Variants in WWOX observed in about 807,000 individuals in gnomAD.
WWOX encodes the protein WW domain-containing oxidoreductase.
Under a neutral mutation model 46.2 loss-of-function variants are expected in WWOX, and 69 were observed. The ratio of observed to expected loss-of-function variants is 1.49; its 90% CI spans 1.23 to 1.82. The LOEUF (loss-of-function observed/expected upper bound fraction) is 1.82. WWOX is among the 40% of genes most tolerant of loss of function. WWOX has a pLI of 0.00. For synonymous variants in WWOX, 359 were observed against 202.6 expected, an observed-to-expected ratio of 1.77 and a Z score of -6.56; for missense variants, 919 against 542.6, an observed-to-expected ratio of 1.69 and a Z score of -6.89.
intron 7 of WWOX, among the ~76,000 whole-genome samples, chr16:78,432,089 T>C (rs2151385309): frequency 6.6e-6 from 1 of 152,064 alleles, no homozygotes; most frequent in Non-Finnish European, 1.5e-5. Flanking sequence ...AGATTGAGTT[T>C]TTACTCATCT....
chr16:78,979,084 CTTTT>C (rs200040353), intron 8 of WWOX, among the ~76,000 whole-genome samples: 1 of 142,160 alleles, frequency 7.0e-6, no homozygotes, highest in East Asian at 2.1e-4. Context: ...GAATTTCAGT[CTTTT>C]TTTTTTTTTT....
chr16:79,031,893 C>CATAT (rs1433443725), intron 8 of WWOX, among the ~76,000 whole-genome samples: 1,267 of 66,036 alleles, frequency 0.019, 22 homozygotes, highest in African/African-American at 0.045. Flanking sequence ...TATCTGTATA[C>CATAT]AGATATCTAT....
intron 8 of WWOX, among the ~76,000 whole-genome samples, chr16:78,576,904 C>T (rs773727371): frequency 6.6e-6 from 1 of 152,194 alleles, no homozygotes; most frequent in Non-Finnish European, 1.5e-5. Flanking sequence ...TCTTTGCCAT[C>T]CCCACACTAC....
chr16:78,470,322 G>A (rs1054195543), intron 8 of WWOX, among the ~76,000 whole-genome samples: 1 of 152,178 alleles, frequency 6.6e-6, no homozygotes, highest in African/African-American at 2.4e-5. Flanking sequence ...AAGATGCGGG[G>A]CATAGTACAT....
At chr16:79,189,830 T>A (rs915353963) in intron 8 of WWOX, among the ~76,000 whole-genome samples, 2 of 150,836 alleles carry the variant, frequency 1.3e-5, no homozygotes, top group Admixed American at 1.3e-4. Context: ...CATCTTGCAA[T>A]TGATAGGAGC....
intron 8 of WWOX, among the ~76,000 whole-genome samples, chr16:78,828,910 C>G (rs189962246): frequency 2.6e-5 from 4 of 152,270 alleles, no homozygotes; most frequent in African/African-American, 9.6e-5. Flanking sequence ...AGTTTTCCCC[C>G]TTTTAGAGAT....
intron 8 of WWOX, among the ~76,000 whole-genome samples, chr16:78,685,538 C>A (rs2047834904): frequency 6.6e-6 from 1 of 152,088 alleles, no homozygotes; most frequent in Non-Finnish European, 1.5e-5. Flanking sequence ...CAAAAATAGC[C>A]CCCAAAATGA....
intron 8 of WWOX, among the ~76,000 whole-genome samples, chr16:79,163,704 A>C (rs1215635779): frequency 6.6e-6 from 1 of 151,202 alleles, no homozygotes; most frequent in East Asian, 1.9e-4. Flanking sequence ...AGGCTGAGGC[A>C]GGAGAATCAC....
chr16:78,644,541 A>C (rs1015775499), intron 8 of WWOX, among the ~76,000 whole-genome samples: 4 of 152,046 alleles, frequency 2.6e-5, no homozygotes, highest in African/African-American at 9.6e-5. Context: ...AGCTCACTGC[A>C]ACCTCCGCCT....
intron 8 of WWOX, among the ~76,000 whole-genome samples, chr16:79,042,666 G>A (rs1458453552): frequency 2.6e-5 from 4 of 151,850 alleles, no homozygotes; most frequent in African/African-American, 9.7e-5. Context: ...GTGCCAGTGG[G>A]CAGAAGGTTT....
At chr16:78,945,180 A>T (rs543276187) in intron 8 of WWOX, among the ~76,000 whole-genome samples, 1 of 152,218 alleles carries the variant, frequency 6.6e-6, no homozygotes, top group East Asian at 1.9e-4. Flanking sequence ...ACCCTGTGTC[A>T]AAAAAAGAAA....
intron 8 of WWOX, among the ~76,000 whole-genome samples, chr16:78,533,131 C>G (rs1199084546): frequency 6.6e-6 from 1 of 152,070 alleles, no homozygotes; most frequent in Non-Finnish European, 1.5e-5. Flanking sequence ...CTCTCAATGG[C>G]TAAACCAACC....
At chr16:78,773,720 A>C (rs56996407) in intron 8 of WWOX, among the ~76,000 whole-genome samples, 4,472 of 152,294 alleles carry the variant, frequency 0.029, 252 homozygotes, top group African/African-American at 0.1. Context: ...CAAATAACCC[A>C]AAATGAGGAG....
intron 8 of WWOX, among the ~76,000 whole-genome samples, chr16:78,682,480 G>C (rs539865807): frequency 4.0e-4 from 61 of 152,212 alleles, no homozygotes; most frequent in Non-Finnish European, 7.9e-4. Flanking sequence ...CTACACAGAA[G>C]GCTGAGGCAG....
chr16:78,268,271 T>G (rs2079408688), intron 5 of WWOX, among the ~76,000 whole-genome samples: 1 of 152,224 alleles, frequency 6.6e-6, no homozygotes, highest in Non-Finnish European at 1.5e-5. Context: ...TTTTCCCCAT[T>G]GGTAAGTAGT....
At chr16:78,699,266 G>C (rs759654299) in intron 8 of WWOX, among the ~76,000 whole-genome samples, 10 of 152,208 alleles carry the variant, frequency 6.6e-5, no homozygotes, top group Non-Finnish European at 1.2e-4. Context: ...CGGTGTGATG[G>C]CTCACGCCTG....
intron 8 of WWOX, among the ~76,000 whole-genome samples, chr16:78,846,443 G>A (rs72802816): frequency 0.066 from 9,985 of 151,790 alleles, 401 homozygotes; most frequent in Middle Eastern, 0.11. Context: ...TTTTTTTAAT[G>A]GCCTTGAAAT....
At chr16:78,246,586 C>T (rs2037822738) in intron 5 of WWOX, among the ~76,000 whole-genome samples, 1 of 152,184 alleles carries the variant, frequency 6.6e-6, no homozygotes, top group Non-Finnish European at 1.5e-5. Flanking sequence ...TCAGTTAAAC[C>T]ATCTTCCATC....
intron 5 of WWOX, among the ~76,000 whole-genome samples, chr16:78,365,291 G>A (rs13339056): frequency 0.13 from 20,350 of 152,182 alleles, 1,849 homozygotes; most frequent in East Asian, 0.35. Context: ...AACCGCTGGA[G>A]GAAGCTAATG....
Sources: gnomAD v4.1 joint callset for allele counts (sites outside exome capture counted in the v4.1 genomes callset) on GRCh38, gnomAD v4.1.1 for gene constraint, MANE v1.5 for transcripts, NCBI Gene and HGNC (gene_info 2026-07-23, HGNC 2026-07-21) for gene names.